HECW2: variants seen among roughly 807,000 people sequenced by gnomAD.
The protein encoded by HECW2 is E3 ubiquitin-protein ligase HECW2.
HECW2 carries 61 observed loss-of-function variants against 175.2 expected under a neutral mutation model. The ratio of observed to expected loss-of-function variants is 0.35; its 90% CI spans 0.28 to 0.43. The LOEUF (loss-of-function observed/expected upper bound fraction) is 0.43, where lower values mean the gene tolerates loss of function less well. Ranked by LOEUF, HECW2 falls within the 20% of genes least tolerant of loss-of-function variation. The pLI, the probability that HECW2 is intolerant of heterozygous loss-of-function variation, is 1.00. For missense variants in HECW2, 1,524 were observed against 2,000.5 expected (o/e 0.76, Z 4.54); for synonymous variants, 671 against 731.0 (o/e 0.92, Z 1.32).
chr2:196,338,435 CT>C (rs1185895511), intron 3 of HECW2, among the ~76,000 whole-genome samples: 1 of 152,180 alleles, frequency 6.6e-6, no homozygotes, highest in Admixed American at 6.5e-5. Context: ...ACATTATACT[CT>C]TTCGTATATT....
chr2:196,310,953 C>G (rs530416708), intron 10 of HECW2, among the ~76,000 whole-genome samples: 6 of 152,244 alleles, frequency 3.9e-5, no homozygotes, highest in African/African-American at 1.2e-4. Context: ...TTCTAGTATT[C>G]TAGGAATCTA....
At chr2:196,545,112 C>T (rs867389903) in intron 1 of HECW2, among the ~76,000 whole-genome samples, 2 of 152,194 alleles carry the variant, frequency 1.3e-5, no homozygotes, top group South Asian at 2.1e-4. Flanking sequence ...CCTGTAAGCT[C>T]ATCATGTGGA....
chr2:196,463,005 T>C (rs1696808505), intron 1 of HECW2, among the ~76,000 whole-genome samples: 1 of 152,104 alleles, frequency 6.6e-6, no homozygotes, highest in Non-Finnish European at 1.5e-5. Flanking sequence ...TCCCCAGTGG[T>C]AGTATGCCAG....
At chr2:196,428,473 G>C (rs570067945) in intron 2 of HECW2, among the ~76,000 whole-genome samples, 1 of 152,234 alleles carries the variant, frequency 6.6e-6, no homozygotes, top group South Asian at 2.1e-4. Context: ...TTCTAGCATG[G>C]TGTTTCCTCT....
At chr2:196,470,548 T>C (rs1697154467) in intron 1 of HECW2, among the ~76,000 whole-genome samples, 1 of 152,176 alleles carries the variant, frequency 6.6e-6, no homozygotes, top group African/African-American at 2.4e-5. Flanking sequence ...TTTCAGAAAA[T>C]GTCCAATGAT....
At chr2:196,446,092 C>A (rs1696177379) in intron 1 of HECW2, among the ~76,000 whole-genome samples, 1 of 152,240 alleles carries the variant, frequency 6.6e-6, no homozygotes, top group Non-Finnish European at 1.5e-5. Context: ...CCCACATGAT[C>A]TGGCTGTTGG....
At chr2:196,370,240 G>C (rs980231062) in intron 2 of HECW2, among the ~76,000 whole-genome samples, 1 of 152,080 alleles carries the variant, frequency 6.6e-6, no homozygotes, top group African/African-American at 2.4e-5. Context: ...AGCAGGTGAT[G>C]AATCCTGACA....
At chr2:196,297,292 C>T (rs1194424194) in intron 13 of HECW2, among the ~76,000 whole-genome samples, 4 of 152,166 alleles carry the variant, frequency 2.6e-5, no homozygotes, top group Non-Finnish European at 4.4e-5. Flanking sequence ...TGTTTCTCAT[C>T]GTCCTAGCAA....
At chr2:196,308,124 G>C in intron 10 of HECW2, 39 bp from the exon 11 acceptor site, 1 of 1,457,376 alleles carries the variant, frequency 6.9e-7, no homozygotes, top group Non-Finnish European at 9.3e-7. Flanking sequence ...TTAGGAGGAG[G>C]AGCTGAGATG....
chr2:196,279,806 T>C (rs1690119901), intron 14 of HECW2, among the ~76,000 whole-genome samples: 1 of 152,200 alleles, frequency 6.6e-6, no homozygotes, highest in African/African-American at 2.4e-5. Flanking sequence ...ATATGTTTCT[T>C]ACAAAAACAT....
intron 1 of HECW2, among the ~76,000 whole-genome samples, chr2:196,590,394 T>A (rs1691145099): frequency 6.6e-6 from 1 of 152,196 alleles, no homozygotes; most frequent in African/African-American, 2.4e-5. Flanking sequence ...GCCTGGCTTT[T>A]GATAACAGAG....
rs558321336 is a variant in HECW2 at position 196,574,010 on chromosome 2, C to T, written c.-36+19498G>A. ...AGCCTGGGTAATACAGTGGGATCCC[C>T]ATTTCAAAAAAAAAGTTCCAGGATA... On this transcript the variant is annotated intron_variant, in intron 1 of 28. Coordinates refer to ENST00000644978, the MANE Select transcript of HECW2 (RefSeq NM_001348768.2). 4.0e-5 allele frequency among the ~76,000 whole-genome samples: 6 copies of T among 150,134 alleles called. No individual in the cohort carries two copies. In the South Asian group the frequency reaches 1.3e-3, roughly 31 times the overall value.
chr2:196,576,341 T>C (rs1490225391), intron 1 of HECW2, among the ~76,000 whole-genome samples: 1 of 152,210 alleles, frequency 6.6e-6, no homozygotes, highest in Non-Finnish European at 1.5e-5. Context: ...CATTAAGTGA[T>C]GCATGACTGT....
intron 28 of HECW2, among the ~76,000 whole-genome samples, chr2:196,207,164 CCA>C (rs762987026): frequency 1.3e-5 from 2 of 152,062 alleles, no homozygotes; most frequent in Non-Finnish European, 2.9e-5. Flanking sequence ...AAAACCTTTT[CCA>C]GTTATTTCAT....
At chr2:196,266,161 T>G (rs1457362519) in intron 17 of HECW2, among the ~76,000 whole-genome samples, 1 of 112,420 alleles carries the variant, frequency 8.9e-6, no homozygotes, top group East Asian at 2.4e-4. Context: ...CAAGACTCCA[T>G]CTCTATTAAA....
chr2:196,330,825 G>A (rs1379627753), intron 4 of HECW2, among the ~76,000 whole-genome samples: 1 of 152,020 alleles, frequency 6.6e-6, no homozygotes, highest in African/African-American at 2.4e-5. Flanking sequence ...ACTTTCCCTT[G>A]TTGTATCTGG....
intron 1 of HECW2, among the ~76,000 whole-genome samples, chr2:196,535,129 T>C (rs1413203368): frequency 6.6e-6 from 1 of 151,834 alleles, no homozygotes; most frequent in African/African-American, 2.4e-5. Context: ...TAAAGCTTCA[T>C]CAGTTTCATT....
At chr2:196,461,600 G>A (rs1036581325) in intron 1 of HECW2, among the ~76,000 whole-genome samples, 1 of 152,160 alleles carries the variant, frequency 6.6e-6, no homozygotes, top group East Asian at 1.9e-4. Flanking sequence ...AAAGGAAAGA[G>A]GTTTAATTGA....
At chr2:196,419,873 C>T (rs184131173) in intron 2 of HECW2, among the ~76,000 whole-genome samples, 317 of 152,282 alleles carry the variant, frequency 2.1e-3, no homozygotes, top group Non-Finnish European at 3.2e-3. Flanking sequence ...CACTCCAAAA[C>T]GATCCTCAGA....
Sources: allele counts gnomAD v4.1 joint callset (sites outside exome capture counted in the v4.1 genomes callset), GRCh38; gene constraint gnomAD v4.1.1; transcripts MANE v1.5; gene names NCBI Gene and HGNC (gene_info 2026-07-23, HGNC 2026-07-21).